Variants in ROBO2 observed in about 807,000 individuals in gnomAD.
ROBO2 encodes the protein roundabout homolog 2.
Under a neutral mutation model 160.8 loss-of-function variants are expected in ROBO2, and 53 were observed. The ratio of observed to expected loss-of-function variants is 0.33; its 90% CI spans 0.26 to 0.41. ROBO2 has a LOEUF of 0.41. Ranked by LOEUF, ROBO2 falls within the 10% of genes least tolerant of loss-of-function variation. The probability of loss-of-function intolerance (pLI) is 1.00; values close to 1 mark genes in which losing one functional copy is unlikely to be tolerated. For synonymous variants in ROBO2, 664 were observed against 611.7 expected (o/e 1.09, Z -1.26); for missense variants, 1,577 against 1,722.4 (o/e 0.92, Z 1.49).
chr3:76,726,074 T>A (rs1367388288), intron 2 of ROBO2, among the ~76,000 whole-genome samples: 2 of 152,160 alleles, frequency 1.3e-5, no homozygotes, highest in Admixed American at 1.3e-4. Context: ...CACACGCGCA[T>A]ACATCAGTCT....
At chr3:77,402,848 C>T (rs188468537) in intron 2 of ROBO2, among the ~76,000 whole-genome samples, 209 of 152,148 alleles carry the variant, frequency 1.4e-3, no homozygotes, top group South Asian at 0.012. Flanking sequence ...TCTCCCAAGT[C>T]GCCCACTTGG....
rs547361062 is a variant in ROBO2, at chr3:76,368,892, T to C, written c.109+431290T>C. 2.0e-5 allele frequency among the ~76,000 whole-genome samples: 3 copies of C among 152,070 alleles called. No homozygotes were observed. The East Asian group carries it at 5.8e-4, about 30-fold the overall frequency. On this transcript the variant is annotated intron_variant, in intron 2 of 26. Transcript: ENST00000487694. ...GAGAAAACATCCTCTCTCTTTGACG[T>C]TAAGACCTTACTTCACCAGTTTTAT...
intron 2 of ROBO2, among the ~76,000 whole-genome samples, chr3:76,441,867 C>T (rs567472300): frequency 1.3e-5 from 2 of 152,308 alleles, no homozygotes; most frequent in East Asian, 3.9e-4. Flanking sequence ...ACTTAACTTT[C>T]ACTCCTTAGC....
At chr3:77,340,004 T>A (rs565542567) in intron 2 of ROBO2, among the ~76,000 whole-genome samples, 2 of 152,206 alleles carry the variant, frequency 1.3e-5, no homozygotes, top group African/African-American at 4.8e-5. Flanking sequence ...ATCTGAATTG[T>A]TCAATTTCCT....
At chr3:76,685,996 G>A (rs1330416327) in intron 2 of ROBO2, among the ~76,000 whole-genome samples, 1 of 152,094 alleles carries the variant, frequency 6.6e-6, no homozygotes, top group Non-Finnish European at 1.5e-5. Flanking sequence ...TTAATGAGAA[G>A]CTAGAGCGAC....
intron 2 of ROBO2, among the ~76,000 whole-genome samples, chr3:76,362,881 T>A (rs1576672039): frequency 1.3e-5 from 2 of 152,188 alleles, no homozygotes; most frequent in African/African-American, 2.4e-5. Context: ...CAACAGAAAC[T>A]GTTACGCCAG....
intron 2 of ROBO2, among the ~76,000 whole-genome samples, chr3:76,863,904 A>G (rs777620386): frequency 6.6e-6 from 1 of 152,102 alleles, no homozygotes; most frequent in Non-Finnish European, 1.5e-5. Context: ...TTGAAGCTTA[A>G]TAAAGATTTT....
chr3:77,555,183 A>C lies in ROBO2; in HGVS notation c.1232-2761A>C, dbSNP rs2093066945. ...AAGGTATGAACTTTTTTTTAGACAT[A>C]GTATTATTCTACACTTAATAGACTC... On this transcript the variant is annotated intron_variant, in intron 8 of 25. Transcript: ENST00000461745. Among the ~76,000 whole-genome samples, 7 of 151,942 alleles carry C rather than the reference A, an allele frequency of 4.6e-5. No homozygotes were observed. The South Asian group carries it at 1.4e-3, about 31-fold the overall frequency.
chr3:76,178,169 A>C (rs1170256557), intron 2 of ROBO2, among the ~76,000 whole-genome samples: 1 of 152,134 alleles, frequency 6.6e-6, no homozygotes, highest in Non-Finnish European at 1.5e-5. Flanking sequence ...TTTCCTTTCC[A>C]TCTTAAAAAC....
intron 2 of ROBO2, among the ~76,000 whole-genome samples, chr3:76,910,718 T>C (rs1268772635): frequency 3.9e-5 from 4 of 101,490 alleles, no homozygotes; most frequent in African/African-American, 1.7e-4. Context: ...AGAGTGAAAC[T>C]CTGTCTCAAA....
At position 76,424,044 on chromosome 3, in the gene ROBO2, A is replaced by G. The variant is rs545334957; in HGVS notation, c.109+486442A>G. ...CAAGTTCACATGGTTGTGATCTTGGATGAAAAAAGATTACATTTCTATTTT... is the reference window on the plus strand; with the variant it reads ...CAAGTTCACATGGTTGTGATCTTGGGTGAAAAAAGATTACATTTCTATTTT... On this transcript the variant is annotated intron_variant, in intron 2 of 26. Transcript: ENST00000487694. Among the ~76,000 whole-genome samples the G allele has an allele frequency of 1.3e-4, 20 of 152,278 alleles. 2 individuals carry two copies. The South Asian group carries it at 4.1e-3, about 32-fold the overall frequency.
intron 2 of ROBO2, among the ~76,000 whole-genome samples, chr3:76,684,343 C>T (rs2092639398): frequency 6.6e-6 from 1 of 152,052 alleles, no homozygotes; most frequent in Admixed American, 6.6e-5. Flanking sequence ...GACAAGAAAA[C>T]AGTTTGACTG....
intron 2 of ROBO2, among the ~76,000 whole-genome samples, chr3:76,741,572 T>C (rs528659988): frequency 6.6e-6 from 1 of 152,036 alleles, no homozygotes; most frequent in Non-Finnish European, 1.5e-5. Context: ...ATTGAGGAGG[T>C]AATAAAAACA....
intron 2 of ROBO2, among the ~76,000 whole-genome samples, chr3:76,813,486 T>C (rs2065379835): frequency 6.6e-6 from 1 of 152,164 alleles, no homozygotes; most frequent in African/African-American, 2.4e-5. Context: ...CTCATTAAAA[T>C]ATGCTGCCTT....
intron 2 of ROBO2, among the ~76,000 whole-genome samples, chr3:76,808,956 T>C (rs559938079): frequency 2.3e-4 from 35 of 152,280 alleles, no homozygotes; most frequent in African/African-American, 8.2e-4. Flanking sequence ...CCAGGTAGGA[T>C]CTTGGCTCTC....
chr3:77,613,045 T>C (rs1039494974), intron 21 of ROBO2, among the ~76,000 whole-genome samples: 2 of 152,206 alleles, frequency 1.3e-5, no homozygotes, highest in Non-Finnish European at 1.5e-5. Flanking sequence ...AATTAATGCA[T>C]TAAGCAATGT....
chr3:76,772,668 T>C (rs960147913), intron 2 of ROBO2, among the ~76,000 whole-genome samples: 4 of 151,062 alleles, frequency 2.6e-5, no homozygotes, highest in African/African-American at 7.3e-5. Flanking sequence ...CAGTGGCCAC[T>C]GCACTACAAT....
intron 2 of ROBO2, among the ~76,000 whole-genome samples, chr3:76,181,509 A>G (rs926240649): frequency 1.3e-5 from 2 of 152,140 alleles, no homozygotes; most frequent in Non-Finnish European, 2.9e-5. Context: ...AAATGCAAGC[A>G]GCCTTACAAT....
chr3:76,116,679 C>T (rs560062175), intron 2 of ROBO2, among the ~76,000 whole-genome samples: 3 of 152,210 alleles, frequency 2.0e-5, no homozygotes, highest in African/African-American at 7.2e-5. Flanking sequence ...AATATGCTGG[C>T]ATTTTATCTT....
Sources: gnomAD v4.1 joint callset for allele counts (sites outside exome capture counted in the v4.1 genomes callset) on GRCh38, gnomAD v4.1.1 for gene constraint, MANE v1.5 for transcripts, NCBI Gene and HGNC (gene_info 2026-07-23, HGNC 2026-07-21) for gene names.